MCPH1: variants seen among roughly 807,000 people sequenced by gnomAD.
The protein encoded by MCPH1 is microcephalin.
A neutral mutation model predicts 84.5 loss-of-function variants in MCPH1; 104 were observed. The observed-to-expected ratio is 1.23, with a 90% CI of 1.05 to 1.45. The LOEUF (loss-of-function observed/expected upper bound fraction) is 1.45, where lower values mean the gene tolerates loss of function less well. Ranked by LOEUF, MCPH1 falls within the 40% of genes most tolerant of loss-of-function variation. The probability of loss-of-function intolerance (pLI) is 0.00; values close to 1 mark genes in which losing one functional copy is unlikely to be tolerated. For missense variants in MCPH1, 1,498 were observed against 1,005.7 expected (o/e 1.49, Z -6.62); for synonymous variants, 514 against 366.8 (o/e 1.40, Z -4.58).
At chr8:6,499,686 A>C in intron 11 of MCPH1, 166 bp from the exon 12 acceptor site, 2 of 627,352 alleles carry the variant, frequency 3.2e-6, no homozygotes, top group Non-Finnish European at 5.7e-6. Context: ...TATTCATAAC[A>C]TTTATGCAAC....
Position 6,643,134 on chromosome 8 carries a change from G to A in MCPH1, c.*85G>A, listed in dbSNP as rs1169399210. The stretch of plus-strand genomic sequence containing the variant: ...CAAATGAGAAACAAAACTGTGAAGA[G>A]AAGGAACTGGCGTATACAAGATGAC... On this transcript the variant is annotated 3_prime_UTR_variant, in exon 14 of 14. Transcript: ENST00000344683. 7 of 1,181,350 alleles carry A rather than the reference G, an allele frequency of 5.9e-6. No homozygotes were observed. In the African/African-American group the frequency reaches 9.0e-5, roughly 15 times the overall value. 73.2% of individuals were successfully genotyped at this position (1,181,350 alleles called of 1,614,324 possible). A position where few individuals can be genotyped will look rare whatever the true frequency, so the allele number is the denominator to read the frequency against.
Position 6,409,362 on chromosome 8 carries a change from G to A in MCPH1, c.106G>A (p.Gly36Arg), listed in dbSNP as rs756437905. The change falls in exon 2 of 14, where the codon GGG (glycine) becomes AGG (arginine). Residue 36 changes from glycine (G) to arginine (R), a missense_variant. Transcript: ENST00000344683. ...ATTTACAACACAGCTTGTGGATATG[G>A]GGGCAAAGGTAAGACACTTATTTTG... ...KTFTTQLVDM[G>R]AKVSKTFNKQ... The A allele has an allele frequency of 6.2e-7, 1 of 1,612,370 alleles. No individual in the cohort carries two copies. The highest frequency in any genetic ancestry group is 1.1e-5 in the South Asian group (1 of 91,044).
At chr8:6,504,902 G>T (rs1350434401) in intron 12 of MCPH1, among the ~76,000 whole-genome samples, 1 of 151,940 alleles carries the variant, frequency 6.6e-6, no homozygotes, top group Admixed American at 6.6e-5. Flanking sequence ...TTCCCCTAAG[G>T]ATAAGGGAGG....
At chr8:6,541,075 C>T (rs913259927) in intron 12 of MCPH1, among the ~76,000 whole-genome samples, 81 of 152,216 alleles carry the variant, frequency 5.3e-4, no homozygotes, top group Non-Finnish European at 1.0e-3. Flanking sequence ...TTGGAGCCAA[C>T]GTCCCTAGGC....
intron 8 of MCPH1, chr8:6,446,050 C>T: frequency 1.0e-6 from 1 of 981,104 alleles, no homozygotes; most frequent in Non-Finnish European, 1.2e-6. Context: ...TTTGAAGAAA[C>T]TTTGGTCAGT....
chr8:6,463,497 A>C (rs117069319), intron 9 of MCPH1, among the ~76,000 whole-genome samples: 1 of 152,216 alleles, frequency 6.6e-6, no homozygotes, highest in Non-Finnish European at 1.5e-5. Context: ...GAGGCAGTAG[A>C]TTGGGAATTA....
intron 12 of MCPH1, among the ~76,000 whole-genome samples, chr8:6,603,056 T>G (rs1350902114): frequency 1.3e-5 from 2 of 152,030 alleles, no homozygotes; most frequent in Admixed American, 1.3e-4. Context: ...TTGCACTTTT[T>G]GCCATTCTCC....
chr8:6,564,831 C>A (rs138217937), intron 12 of MCPH1, among the ~76,000 whole-genome samples: 1 of 152,288 alleles, frequency 6.6e-6, no homozygotes, highest in East Asian at 1.9e-4. Flanking sequence ...TTTATTAAAC[C>A]CAGCCCTAGA....
intron 12 of MCPH1, among the ~76,000 whole-genome samples, chr8:6,593,877 G>GCT (rs1828711393): frequency 6.6e-6 from 1 of 152,152 alleles, no homozygotes; most frequent in Non-Finnish European, 1.5e-5. Flanking sequence ...TCTGTTCATT[G>GCT]CTTCCTTCTT....
At chr8:6,489,652 G>T (rs73661784) in intron 11 of MCPH1, among the ~76,000 whole-genome samples, 1 of 152,170 alleles carries the variant, frequency 6.6e-6, no homozygotes, top group African/African-American at 2.4e-5. Context: ...GTTATTCCTA[G>T]ACATAATGCT....
chr8:6,610,814 A>G (rs1830189365), intron 12 of MCPH1, among the ~76,000 whole-genome samples: 1 of 151,958 alleles, frequency 6.6e-6, no homozygotes, highest in Non-Finnish European at 1.5e-5. Flanking sequence ...AAAACTAAGA[A>G]CATAAGACGC....
chr8:6,560,903 C>G (rs1227100807), intron 12 of MCPH1, among the ~76,000 whole-genome samples: 1 of 152,190 alleles, frequency 6.6e-6, no homozygotes, highest in South Asian at 2.1e-4. Flanking sequence ...GCCTAGCATT[C>G]TTTTATGTTT....
intron 9 of MCPH1, among the ~76,000 whole-genome samples, chr8:6,456,546 T>G (rs1805700228): frequency 1.3e-5 from 2 of 152,110 alleles, no homozygotes; most frequent in Admixed American, 6.5e-5. Context: ...GCACCACAGC[T>G]CTGTTCTGTG....
Position 6,415,324 on chromosome 8 carries a change from G to T in MCPH1, c.233+441G>T, listed in dbSNP as rs555650156. Among the ~76,000 whole-genome samples the T allele has an allele frequency of 4.3e-5, 6 of 138,688 alleles. No individual in the cohort carries two copies. In the South Asian group the frequency reaches 1.1e-3, roughly 26 times the overall value. The allele number at this position is 138,688 out of a possible 152,430, so 91.0% of individuals were successfully genotyped here. On this transcript the variant is annotated intron_variant, in intron 3 of 13. Coordinates refer to ENST00000344683, the MANE Select transcript of MCPH1 (RefSeq NM_024596.5). ...TTTTTTTGAGACAAAGTCTTGCTCT[G>T]TCATCCAAGCTAGAGTGCAGTAGCT...
At chr8:6,496,899 C>G (rs1811301370) in intron 11 of MCPH1, among the ~76,000 whole-genome samples, 1 of 152,140 alleles carries the variant, frequency 6.6e-6, no homozygotes, top group Non-Finnish European at 1.5e-5. Context: ...CCAGTTTTCT[C>G]TCATCACTTA....
chr8:6,460,282 A>G (rs1246530476), intron 9 of MCPH1, among the ~76,000 whole-genome samples: 2 of 149,978 alleles, frequency 1.3e-5, no homozygotes, highest in Non-Finnish European at 3.0e-5. Flanking sequence ...TTTCTTTTCC[A>G]TTTCACCTTT....
At chr8:6,506,768 C>A (rs1221205588) in intron 12 of MCPH1, among the ~76,000 whole-genome samples, 1 of 148,830 alleles carries the variant, frequency 6.7e-6, no homozygotes, top group Non-Finnish European at 1.5e-5. Context: ...TCTCAGGAAC[C>A]AGAGGATTGC....
At chr8:6,454,132 A>G (rs1381887151) in intron 8 of MCPH1, among the ~76,000 whole-genome samples, 1 of 152,152 alleles carries the variant, frequency 6.6e-6, no homozygotes, top group Non-Finnish European at 1.5e-5. Flanking sequence ...ATGTTATATG[A>G]TTTTTAATCT....
intron 13 of MCPH1, among the ~76,000 whole-genome samples, chr8:6,640,363 C>T (rs761160102): frequency 1.3e-5 from 2 of 151,980 alleles, no homozygotes; most frequent in Non-Finnish European, 2.9e-5. Flanking sequence ...ATTCCCATGT[C>T]CAGTACTGGA....
Sources: gnomAD v4.1 joint callset for allele counts (sites outside exome capture counted in the v4.1 genomes callset) on GRCh38, gnomAD v4.1.1 for gene constraint, MANE v1.5 for transcripts, NCBI Gene and HGNC (gene_info 2026-07-23, HGNC 2026-07-21) for gene names.